Variants in MOB1B observed in about 807,000 individuals in gnomAD.
The protein encoded by MOB1B is MOB1 Mps One Binder homolog B.
Under a neutral mutation model 24.4 loss-of-function variants are expected in MOB1B, and 19 were observed. The ratio of observed to expected loss-of-function variants is 0.78; its 90% CI spans 0.54 to 1.14. The LOEUF (loss-of-function observed/expected upper bound fraction) is 1.14. Ranked by LOEUF, MOB1B falls within the 50% of genes most tolerant of loss-of-function variation. MOB1B has a pLI of 0.00. For synonymous variants in MOB1B, 76 were observed against 82.1 expected (o/e 0.93, Z 0.40); for missense variants, 243 against 259.6 (o/e 0.94, Z 0.44).
chr4:70,914,819 C>T (rs1476719064), intron 1 of MOB1B, among the ~76,000 whole-genome samples: 1 of 152,182 alleles, frequency 6.6e-6, no homozygotes, highest in Non-Finnish European at 1.5e-5. Flanking sequence ...GGCCTGGGCC[C>T]AAGCTGTTGT....
chr4:70,950,713 G>C, intron 1 of MOB1B: 2 of 1,525,168 alleles, frequency 1.3e-6, no homozygotes, highest in Non-Finnish European at 1.8e-6. Flanking sequence ...TTCTCAGCCT[G>C]AAGTTGACTG....
chr4:70,941,313 C>G (rs993997293), intron 1 of MOB1B, among the ~76,000 whole-genome samples: 1 of 152,112 alleles, frequency 6.6e-6, no homozygotes, highest in Non-Finnish European at 1.5e-5. Flanking sequence ...TCACTTTTAT[C>G]TGCTGCAACT....
chr4:70,911,125 T>A (rs957544958), intron 1 of MOB1B, among the ~76,000 whole-genome samples: 1 of 152,176 alleles, frequency 6.6e-6, no homozygotes, highest in Admixed American at 6.5e-5. Flanking sequence ...TTTGTTTGTA[T>A]GTATTTAAAA....
At position 70,950,173 on chromosome 4, in the gene MOB1B, C is replaced by T. The variant is rs562279457; in HGVS notation, c.15-8701C>T. 3.9e-5 allele frequency among the ~76,000 whole-genome samples: 6 copies of T among 152,052 alleles called. No individual in the cohort carries two copies. In the East Asian group the frequency reaches 9.7e-4, roughly 25 times the overall value. On this transcript the variant is annotated intron_variant, in intron 1 of 5. Coordinates refer to ENST00000309395, the MANE Select transcript of MOB1B (RefSeq NM_173468.4). ...GCTTTAGGCCGAGTGCTGTGGCTCACGCCTGTAATCCCAGCACTTTGGGAG... is the reference window on the plus strand; with the variant it reads ...GCTTTAGGCCGAGTGCTGTGGCTCATGCCTGTAATCCCAGCACTTTGGGAG...
intron 1 of MOB1B, among the ~76,000 whole-genome samples, chr4:70,940,135 G>T (rs920997400): frequency 6.6e-6 from 1 of 152,128 alleles, no homozygotes; most frequent in Non-Finnish European, 1.5e-5. Context: ...TCCACGTCCA[G>T]CCGCTTGTGT....
In MOB1B at chr4:70,987,157, A is replaced by C. The variant is rs1739405746; in HGVS notation, c.*5100A>C. ...CATTGTTAGAGATTCTGAAGTATTT[A>C]CTGTCAATTCATAGGTTTCAGTTTA... On this transcript the variant is annotated 3_prime_UTR_variant, in exon 6 of 6. Coordinates refer to ENST00000309395, the MANE Select transcript of MOB1B (RefSeq NM_173468.4). 6.6e-6 allele frequency: 1 copy of C among 152,110 alleles called. No individual in the cohort carries two copies. The highest frequency in any genetic ancestry group is 1.5e-5 in the Non-Finnish European group (1 of 67,952). The allele number at this position is 152,110 out of a possible 1,614,324, so 9.4% of individuals were successfully genotyped here. A position where few individuals can be genotyped will look rare whatever the true frequency, so the allele number is the denominator to read the frequency against.
At chr4:70,947,561 G>T (rs1467962733) in intron 1 of MOB1B, among the ~76,000 whole-genome samples, 2 of 152,208 alleles carry the variant, frequency 1.3e-5, no homozygotes, top group Non-Finnish European at 2.9e-5. Context: ...GATCGGCAAA[G>T]ATTTGCTGCT....
At chr4:70,964,132 G>T (rs1208365818) in intron 2 of MOB1B, among the ~76,000 whole-genome samples, 2 of 152,108 alleles carry the variant, frequency 1.3e-5, no homozygotes, top group Non-Finnish European at 1.5e-5. Flanking sequence ...AATATTAGTC[G>T]ACTGAACTAA....
At chr4:70,970,948 A>G (rs1560663330) in intron 3 of MOB1B, among the ~76,000 whole-genome samples, 2 of 152,228 alleles carry the variant, frequency 1.3e-5, no homozygotes, top group African/African-American at 4.8e-5. Flanking sequence ...GGAGATGAGT[A>G]TAGCTGCAGA....
At chr4:70,976,559 A>G in intron 4 of MOB1B, 3 of 985,278 alleles carry the variant, frequency 3.0e-6, no homozygotes, top group Non-Finnish European at 3.6e-6. Flanking sequence ...ACTTCTGACA[A>G]CTGATTGTCT....
intron 4 of MOB1B, among the ~76,000 whole-genome samples, chr4:70,976,946 A>G (rs959066270): frequency 3.3e-5 from 5 of 152,040 alleles, no homozygotes; most frequent in Admixed American, 2.0e-4. Flanking sequence ...CCAGATTCTT[A>G]GTCGTTAACA....
intron 1 of MOB1B, among the ~76,000 whole-genome samples, chr4:70,933,838 C>T (rs1161384509): frequency 6.6e-6 from 1 of 152,022 alleles, no homozygotes; most frequent in Non-Finnish European, 1.5e-5. Flanking sequence ...GTGTGAGCCA[C>T]TGTGCCTGGC....
In MOB1B at chr4:70,968,806, A is replaced by G. The variant is rs1738641917; in HGVS notation, c.182-1125A>G. Among the ~76,000 whole-genome samples the G allele has an allele frequency of 4.6e-5, 7 of 152,146 alleles. No individual in the cohort carries two copies. In the South Asian group the frequency reaches 1.2e-3, roughly 27 times the overall value. On this transcript the variant is annotated intron_variant, in intron 2 of 5. Transcript: ENST00000309395. ...GGCTAATTTTTAAAATATTTTTTGCAGAGATGGGGTCTTGCTATGTTCCCC... is the reference window on the plus strand; with the variant it reads ...GGCTAATTTTTAAAATATTTTTTGCGGAGATGGGGTCTTGCTATGTTCCCC...
chr4:70,961,150 G>T (rs573182427), intron 2 of MOB1B, among the ~76,000 whole-genome samples: 6 of 151,470 alleles, frequency 4.0e-5, no homozygotes, highest in African/African-American at 1.5e-4. Flanking sequence ...ATTAAGCACA[G>T]CAAGGGATTA....
rs977500356 is a variant in MOB1B, at chr4:70,902,408, C to G, written c.-129C>G. The G allele has an allele frequency of 1.0e-6, 1 of 989,794 alleles. No homozygotes were observed. The highest frequency in any genetic ancestry group is 1.6e-5 in the African/African-American group (1 of 62,060). 61.3% of individuals were successfully genotyped at this position (989,794 alleles called of 1,614,324 possible). On this transcript the variant is annotated 5_prime_UTR_variant, in exon 1 of 6. Coordinates refer to ENST00000309395, the MANE Select transcript of MOB1B (RefSeq NM_173468.4). ...AGCCGAACTAGTTGCGGCCACCGAG[C>G]AGCCGGCTCTCGGCACCTCCTCCTC...
chr4:70,975,511 G>T, intron 4 of MOB1B: 1 of 1,196,726 alleles, frequency 8.4e-7, no homozygotes, highest in Non-Finnish European at 1.0e-6. Flanking sequence ...TTAACTTAGT[G>T]CTTTTAAATG....
At position 70,986,063 on chromosome 4, in the gene MOB1B, C is replaced by A. The variant is rs2148907836; in HGVS notation, c.*4006C>A. On this transcript the variant is annotated 3_prime_UTR_variant, in exon 6 of 6. Transcript: ENST00000309395. ...AAAAACATTCAGCTTAATTACCTTA[C>A]CTTAATTACCTTAGTTAGATATACT... is the stretch of plus-strand genomic sequence containing the variant. 1 of 152,226 alleles carries A rather than the reference C, an allele frequency of 6.6e-6. No individual in the cohort carries two copies. The highest frequency in any genetic ancestry group is 6.5e-5 in the Admixed American group (1 of 15,298). The allele number at this position is 152,226 out of a possible 1,614,324, so 9.4% of individuals were successfully genotyped here.
intron 2 of MOB1B, among the ~76,000 whole-genome samples, chr4:70,965,776 G>A (rs529325044): frequency 2.0e-3 from 227 of 116,012 alleles, no homozygotes; most frequent in African/African-American, 7.0e-3. Flanking sequence ...CAGCCTGGGC[G>A]ACAGAGCGAG....
At chr4:70,965,191 G>A (rs1738464041) in intron 2 of MOB1B, among the ~76,000 whole-genome samples, 1 of 150,350 alleles carries the variant, frequency 6.7e-6, no homozygotes, top group South Asian at 2.1e-4. Flanking sequence ...TACCTGCTTG[G>A]GAGGCTGAAG....
Sources: gnomAD v4.1 joint callset for allele counts (sites outside exome capture counted in the v4.1 genomes callset) on GRCh38, gnomAD v4.1.1 for gene constraint, MANE v1.5 for transcripts, NCBI Gene and HGNC (gene_info 2026-07-23, HGNC 2026-07-21) for gene names.